CXXC1: variants seen among roughly 807,000 people sequenced by gnomAD.
CXXC1 encodes CXXC finger protein 1.
Under a neutral mutation model 83.6 loss-of-function variants are expected in CXXC1, and 21 were observed. The observed-to-expected ratio is 0.25, with a 90% confidence interval of 0.18 to 0.36. The LOEUF is 0.36. Ranked by LOEUF, CXXC1 falls within the 10% of genes least tolerant of loss-of-function variation. CXXC1 has a pLI of 1.00. For synonymous variants in CXXC1, 371 were observed against 337.5 expected (o/e 1.10, Z -1.09); for missense variants, 688 against 919.5 (o/e 0.75, Z 3.26).
At chr18:50,283,230 G>A (rs1007571457) in intron 13 of CXXC1, 35 bp downstream of exon 13, 13 of 1,561,928 alleles carry the variant, frequency 8.3e-6, no homozygotes, top group Non-Finnish European at 1.1e-5. Context: ...GCAGGGAGGA[G>A]GGGCAAAATG....
intron 13 of CXXC1, 120 bp downstream of exon 13, chr18:50,283,145 G>A: frequency 7.9e-7 from 1 of 1,260,504 alleles, no homozygotes; most frequent in Non-Finnish European, 1.1e-6. Flanking sequence ...GGAGGGTGAA[G>A]CAGCAGGGAA....
intron 1 of CXXC1, 43 bp from the exon 2 acceptor site, chr18:50,286,901 G>T: frequency 7.3e-7 from 1 of 1,376,782 alleles, no homozygotes; most frequent in Non-Finnish European, 1.0e-6. Context: ...AGCCCCCACC[G>T]TGGCGGCTCA....
rs1351909315 is a variant in CXXC1, at chr18:50,282,706, G to A, written c.1858C>T (p.Arg620Cys). The A allele has an allele frequency of 1.2e-6, 2 of 1,613,766 alleles. No homozygotes were observed. Among genetic ancestry groups the A allele is most frequent in the Non-Finnish European group, 1.7e-6 (2 of 1,180,048 alleles). ...TTTGTCATGGCTGTGCGCACATTGC[G>A]CTCCTGCTCAAACAGCTCGTCCAGC... is the stretch of plus-strand genomic sequence containing the variant. ...YKLDELFEQE[R>C]NVRTAMTNRA... Residue 620 changes from arginine (R) to cysteine (C), a missense_variant, in exon 15 of 15, where the codon CGC becomes TGC. Physicochemically the swap from Arg to Cys is radical, Grantham distance 180. This residue lies in a region of CXXC1 where 114 missense variants were observed against 173.3 expected (regional missense o/e 0.66). Coordinates refer to ENST00000285106, the MANE Select transcript of CXXC1 (RefSeq NM_014593.4). The surrounding 1 kb of genome is among the most constrained non-coding windows in gnomAD (Gnocchi z 5.8).
chr18:50,286,408 C>T, intron 3 of CXXC1, 131 bp downstream of exon 3: 1 of 1,056,606 alleles, frequency 9.5e-7, no homozygotes, highest in Non-Finnish European at 1.4e-6. Flanking sequence ...GTGGGATCTT[C>T]TATTACTCAC....
Position 50,283,777 on chromosome 18 carries a change from G to A in CXXC1, c.1452C>T (p.Ile484=), listed in dbSNP as rs1317859119. The A allele has an allele frequency of 1.7e-5, 27 of 1,614,108 alleles. No individual in the cohort carries two copies. In the Admixed American group the frequency reaches 3.8e-4, roughly 23 times the overall value. ...TGGGGTGCCCACAGGAAACACAGAA[G>A]ATCTGCAGGTCTGTGTCATCACTGT... ...EGDSDDTDLQ[I]FCVSCGHPIN... The change falls in exon 11 of 15, where the codon ATC becomes ATT. Residue 484 remains isoleucine, a synonymous_variant. Transcript: ENST00000285106.
In CXXC1 at chr18:50,287,577, C is replaced by A; in HGVS notation, c.3+10G>T. The A allele has an allele frequency of 6.2e-7, 1 of 1,612,444 alleles. No individual in the cohort carries two copies. Among genetic ancestry groups the A allele is most frequent in the Non-Finnish European group, 8.5e-7 (1 of 1,179,828 alleles). On this transcript the variant is annotated intron_variant, in intron 1 of 14. Coordinates refer to ENST00000285106, the MANE Select transcript of CXXC1 (RefSeq NM_014593.4). ...CCACCGCCGAACCCCTCCCTGGACC[C>A]GCTACTTACCATATCTCCGCTCCCG...
chr18:50,286,581 T>A lies in CXXC1; in HGVS notation c.181A>T (p.Met61Leu). The A allele has an allele frequency of 6.2e-7, 1 of 1,614,140 alleles. No homozygotes were observed. The highest frequency in any genetic ancestry group is 8.5e-7 in the Non-Finnish European group (1 of 1,180,006). ...TACCACTCCCGGATGGCCTTGGCCA[T>A]CTTCTCAGTGATCCGGATGCAGTCC... is the stretch of plus-strand genomic sequence containing the variant. ...HGDCIRITEK[M>L]AKAIREWYCR... Residue 61 changes from methionine (M) to leucine (L), a missense_variant, in exon 3 of 15, where the codon ATG becomes TTG. Coordinates refer to ENST00000285106, the MANE Select transcript of CXXC1 (RefSeq NM_014593.4).
Position 50,282,418 on chromosome 18 carries a change from C to G in CXXC1, c.*175G>C. ...AGGATGAGTGGACTCCGCAGCCCCA[C>G]CAGGCACTGAACATGTCGACGGGGA... On this transcript the variant is annotated 3_prime_UTR_variant, in exon 15 of 15. Transcript: ENST00000285106. The surrounding 1 kb of genome is among the most constrained non-coding windows in gnomAD (Gnocchi z 5.8). 1 of 782,360 alleles carries G rather than the reference C, an allele frequency of 1.3e-6. No homozygotes were observed. Among genetic ancestry groups the G allele is most frequent in the Non-Finnish European group, 2.1e-6 (1 of 477,304 alleles). 48.5% of individuals were successfully genotyped at this position (782,360 alleles called of 1,614,324 possible).
At chr18:50,287,206 A>C (rs1458825372) in intron 1 of CXXC1, 1 of 503,982 alleles carries the variant, frequency 2.0e-6, no homozygotes, top group African/African-American at 1.9e-5. Context: ...TGTTTATCTC[A>C]TAGACCCACC....
rs757448629 is a variant in CXXC1, at chr18:50,285,705, C to T, written c.639+44G>A. The T allele has an allele frequency of 1.3e-6, 2 of 1,599,476 alleles. No individual in the cohort carries two copies. Among genetic ancestry groups the T allele is most frequent in the South Asian group, 2.2e-5 (2 of 90,224 alleles). On this transcript the variant is annotated intron_variant, in intron 5 of 14. Transcript: ENST00000285106. This position sits in a 1 kb window ranked among gnomAD's most constrained non-coding sequence, Gnocchi z 4.4. The stretch of plus-strand genomic sequence containing the variant: ...CTTAACTAACCATGCATGGACCCAC[C>T]AGCTCTCCCACACCTGACCCTACCC...
Position 50,285,346 on chromosome 18 carries a change from C to T in CXXC1, c.645G>A (p.Ser215=), listed in dbSNP as rs1418273071. ...LRQCQLRARE[S]YKYFPSSLSP... ...TCACCGAGGAAGGGAAGTACTTGTA[C>T]GATTCCTGTGCCGGCAGGAGGAAGG... Residue 215 remains serine, a synonymous_variant, in exon 6 of 15, where the codon TCG becomes TCA. Coordinates refer to ENST00000285106, the MANE Select transcript of CXXC1 (RefSeq NM_014593.4). The surrounding 1 kb of genome is among the most constrained non-coding windows in gnomAD (Gnocchi z 4.4). 9 of 1,594,746 alleles carry T rather than the reference C, an allele frequency of 5.6e-6. No homozygotes were observed. The highest frequency in any genetic ancestry group is 2.2e-5 in the East Asian group (1 of 44,738).
rs771856881 is a variant in CXXC1, at chr18:50,283,479, AC to A, written c.1574+35del. 9.4e-6 allele frequency: 15 copies of A among 1,595,684 alleles called. No homozygotes were observed. The African/African-American group carries it at 1.6e-4, about 17-fold the overall frequency. On this transcript the variant is annotated intron_variant, in intron 12 of 14. Coordinates refer to ENST00000285106, the MANE Select transcript of CXXC1 (RefSeq NM_014593.4). Reference sequence around the variant, plus strand: ...CATCCCACTTCTGACCCCCGCCTTAACCCCCCACCTCTCACTGCGTGGCACC... The same window carrying A: ...CATCCCACTTCTGACCCCCGCCTTAACCCCCACCTCTCACTGCGTGGCACC...
rs2040679141 is a variant in CXXC1 at position 50,284,393 on chromosome 18, A to G, written c.1190T>C (p.Met397Thr). Residue 397 changes from methionine (M) to threonine (T), a missense_variant, in exon 9 of 15, where the codon ATG becomes ACG. By Grantham distance (81) the Met-to-Thr change is moderately conservative (BLOSUM62 -1). Transcript: ENST00000285106. ...SSKYCSDDCG[M>T]KLAANRIYEI... ...AATGACTCACTTGGCTGCCAGCTTC[A>G]TGCCACAGTCATCTGAGCAATACTT... The G allele has an allele frequency of 6.5e-7, 1 of 1,545,642 alleles. No individual in the cohort carries two copies.
chr18:50,284,308 A>G (rs2040677312), intron 9 of CXXC1, 70 bp downstream of exon 9: 1 of 1,519,374 alleles, frequency 6.6e-7, no homozygotes, highest in Non-Finnish European at 8.8e-7. Context: ...ACTGGTAGAC[A>G]TACAGAAGGC....
chr18:50,285,418 A>G lies in CXXC1; in HGVS notation c.640-67T>C, dbSNP rs550879113. On this transcript the variant is annotated intron_variant, in intron 5 of 14. Transcript: ENST00000285106. This position sits in a 1 kb window ranked among gnomAD's most constrained non-coding sequence, Gnocchi z 4.4. Reference sequence around the variant, plus strand: ...TGGAGGGCGGCCTTGCCCTAGCCCTACCCACCTGGCCTGGCCTTACCTCCC... The same window carrying G: ...TGGAGGGCGGCCTTGCCCTAGCCCTGCCCACCTGGCCTGGCCTTACCTCCC... The G allele has an allele frequency of 6.6e-7, 1 of 1,526,070 alleles. No homozygotes were observed. The highest frequency in any genetic ancestry group is 1.4e-5 in the African/African-American group (1 of 72,234). 94.5% of individuals were successfully genotyped at this position (1,526,070 alleles called of 1,614,324 possible).
chr18:50,282,883 C>A lies in CXXC1; in HGVS notation c.1795G>T (p.Ala599Ser), dbSNP rs772204737. The A allele has an allele frequency of 6.2e-7, 1 of 1,614,214 alleles. No homozygotes were observed. The highest frequency in any genetic ancestry group is 8.5e-7 in the Non-Finnish European group (1 of 1,180,034). ...RHYCWEKLRR[A>S]EVDLERVRVW... ...CGCACGCGCTCCAAGTCCACTTCCG[C>A]ACGCCGCAGCTTCTCCCAGCAGTAA... is the stretch of plus-strand genomic sequence containing the variant. The change falls in exon 14 of 15, where the codon GCG becomes TCG. Residue 599 changes from alanine to serine, a missense_variant. Transcript: ENST00000285106. This position sits in a 1 kb window ranked among gnomAD's most constrained non-coding sequence, Gnocchi z 5.8.
Position 50,285,102 on chromosome 18 carries a change from T to G in CXXC1, c.812A>C (p.Glu271Ala), listed in dbSNP as rs757237151. 32 of 1,614,092 alleles carry G rather than the reference T, an allele frequency of 2.0e-5. No homozygotes were observed. The highest frequency in any genetic ancestry group is 1.9e-5 in the Non-Finnish European group (23 of 1,180,040). ...GAGTGGCTCAGGTGTGGCTGTAGCC[T>G]CAGGAGGCTCCTTGACTGTTGATGA... is the stretch of plus-strand genomic sequence containing the variant. ...VASSTVKEPP[E>A]ATATPEPLSD... is the part of the protein sequence containing the mutation. The change falls in exon 7 of 15, where the codon GAG becomes GCG. Residue 271 changes from glutamate to alanine, a missense_variant. By Grantham distance (107) the Glu-to-Ala change is moderately radical. This residue lies in a region of CXXC1 where 190 missense variants were observed against 199.7 expected (regional missense o/e 0.95). Coordinates refer to ENST00000285106, the MANE Select transcript of CXXC1 (RefSeq NM_014593.4). The surrounding 1 kb of genome is among the most constrained non-coding windows in gnomAD (Gnocchi z 4.4).
chr18:50,287,016 C>G (rs921531374), intron 1 of CXXC1, 158 bp from the exon 2 acceptor site: 15 of 622,062 alleles, frequency 2.4e-5, no homozygotes, highest in Non-Finnish European at 3.8e-5. Flanking sequence ...CCCACTGACC[C>G]CCATCCCTTC....
Position 50,284,756 on chromosome 18 carries a change from A to C in CXXC1, c.996T>G (p.Arg332=), listed in dbSNP as rs909481952. ...KRAVKVKHVK[R]REKKSEKKKE... is the part of the protein sequence containing the mutation. Reference sequence around the variant, plus strand: ...CCTTCTTCTCAGACTTCTTCTCCCGACGCTTCACATGCTTCACTTTCACTG... The same window carrying C: ...CCTTCTTCTCAGACTTCTTCTCCCGCCGCTTCACATGCTTCACTTTCACTG... Residue 332 remains arginine, a synonymous_variant, in exon 8 of 15, where the codon CGT becomes CGG. Coordinates refer to ENST00000285106, the MANE Select transcript of CXXC1 (RefSeq NM_014593.4). 1.9e-6 allele frequency: 3 copies of C among 1,613,726 alleles called. No individual in the cohort carries two copies. Among genetic ancestry groups the C allele is most frequent in the Non-Finnish European group, 2.5e-6 (3 of 1,179,968 alleles).
Sources: gnomAD v4.1 joint callset for allele counts on GRCh38, gnomAD v4.1.1 for gene constraint, gnomAD v4.1.1 regional missense constraint, Gnocchi (gnomAD v3.1) non-coding constraint, MANE v1.5 for transcripts, NCBI Gene and HGNC (gene_info 2026-07-23, HGNC 2026-07-21) for gene names.